RASGRF1: variants seen among roughly 807,000 people sequenced by gnomAD.
The protein encoded by RASGRF1 is Ras protein specific guanine nucleotide releasing factor 1.
Under a neutral mutation model 138.7 loss-of-function variants are expected in RASGRF1, and 40 were observed. That is an observed-to-expected ratio of 0.29 (90% CI 0.22 to 0.38). The LOEUF is 0.38. Ranked by LOEUF, RASGRF1 falls within the 10% of genes least tolerant of loss-of-function variation. The pLI is 1.00. For missense variants in RASGRF1, 1,108 were observed against 1,650.4 expected, an observed-to-expected ratio of 0.67 and a Z score of 5.69; for synonymous variants, 614 against 663.2, an observed-to-expected ratio of 0.93 and a Z score of 1.14.
intron 5 of RASGRF1, among the ~76,000 whole-genome samples, chr15:79,038,792 T>C (rs2057256465): frequency 6.6e-6 from 1 of 152,228 alleles, no homozygotes; most frequent in African/African-American, 2.4e-5. Context: ...TGGGGAATCA[T>C]ATCTTTCCCC....
At chr15:79,067,932 A>G (rs1595960239) in intron 1 of RASGRF1, among the ~76,000 whole-genome samples, 1 of 152,184 alleles carries the variant, frequency 6.6e-6, no homozygotes, top group Admixed American at 6.5e-5. Context: ...AGATGCTACA[A>G]AAAAGGGAGC....
intron 1 of RASGRF1, among the ~76,000 whole-genome samples, chr15:79,089,373 C>T (rs1016398028): frequency 6.6e-6 from 1 of 152,360 alleles, no homozygotes; most frequent in East Asian, 1.9e-4. Context: ...GCCCCTCCTC[C>T]CTTCACGCCA....
intron 20 of RASGRF1, among the ~76,000 whole-genome samples, chr15:78,995,238 C>T (rs1378335925): frequency 6.6e-6 from 1 of 151,260 alleles, no homozygotes; most frequent in Admixed American, 6.6e-5. Context: ...CTCCCTCTCA[C>T]ATCTTAATTT....
At chr15:79,077,878 T>C (rs1170310341) in intron 1 of RASGRF1, among the ~76,000 whole-genome samples, 2 of 138,352 alleles carry the variant, frequency 1.4e-5, no homozygotes, top group African/African-American at 5.4e-5. Flanking sequence ...TGCCTGGGCC[T>C]CTGCTCATTG....
intron 26 of RASGRF1, among the ~76,000 whole-genome samples, chr15:78,967,766 C>A (rs934190798): frequency 6.6e-6 from 1 of 152,084 alleles, no homozygotes; most frequent in African/African-American, 2.4e-5. Flanking sequence ...ACTATGCATA[C>A]AACATATACG....
intron 13 of RASGRF1, among the ~76,000 whole-genome samples, chr15:79,015,115 A>G (rs1372598434): frequency 6.6e-6 from 1 of 152,134 alleles, no homozygotes; most frequent in East Asian, 1.9e-4. Context: ...AAATTTAAAA[A>G]AAAAACCCAA....
At position 78,973,377 on chromosome 15, in the gene RASGRF1, C is replaced by G; in HGVS notation, c.3538G>C (p.Asp1180His). The change falls in exon 25 of 27, where the codon GAC becomes CAC. Residue 1180 changes from aspartate to histidine, a missense_variant. Around this residue, in one of 3 missense-constraint regions of RASGRF1, gnomAD observed 686 missense variants for 976.7 expected, o/e 0.70. Transcript: ENST00000558480. The surrounding 1 kb of genome is among the most constrained non-coding windows in gnomAD (Gnocchi z 4.9). ...CVPYLGMYLT[D>H]LAFIEEGTPN... ...GTCCCCTCCTCGATGAAGGCCAGGT[C>G]GGTGAGGTACATCCCCAGGTAAGGG... 6.2e-7 allele frequency: 1 copy of G among 1,613,856 alleles called. No individual in the cohort carries two copies.
intron 6 of RASGRF1, among the ~76,000 whole-genome samples, chr15:79,034,896 G>GT (rs1216112842): frequency 1.3e-5 from 2 of 152,208 alleles, no homozygotes; most frequent in Non-Finnish European, 2.9e-5. Context: ...AAATGGATGT[G>GT]TATACATTCT....
intron 5 of RASGRF1, among the ~76,000 whole-genome samples, chr15:79,042,127 C>G (rs933723986): frequency 6.6e-6 from 1 of 152,178 alleles, no homozygotes; most frequent in African/African-American, 2.4e-5. Context: ...GATCTTTTCC[C>G]CCCTATTTGA....
chr15:78,965,799 C>T (rs536177815), intron 26 of RASGRF1, among the ~76,000 whole-genome samples: 9 of 152,256 alleles, frequency 5.9e-5, no homozygotes, highest in South Asian at 2.1e-4. Flanking sequence ...TGCAGTGAGC[C>T]GAGATCGCGC....
At chr15:79,005,711 A>T (rs947479379) in intron 14 of RASGRF1, 1 of 899,496 alleles carries the variant, frequency 1.1e-6, no homozygotes, top group African/African-American at 1.8e-5. Flanking sequence ...CAGGGGTAAG[A>T]GTCCTTTCTC....
intron 22 of RASGRF1, among the ~76,000 whole-genome samples, chr15:78,987,896 A>G (rs975981242): frequency 2.0e-5 from 3 of 152,170 alleles, no homozygotes; most frequent in Non-Finnish European, 4.4e-5. Context: ...GCCTTACACC[A>G]GTACCCCAGC....
chr15:79,019,682 G>A (rs910565905), intron 11 of RASGRF1, among the ~76,000 whole-genome samples: 2 of 152,244 alleles, frequency 1.3e-5, no homozygotes, highest in Admixed American at 6.5e-5. Flanking sequence ...TGAATGAGGG[G>A]TGCTCACTGA....
intron 5 of RASGRF1, among the ~76,000 whole-genome samples, chr15:79,044,287 G>T (rs1490995534): frequency 2.6e-5 from 4 of 152,156 alleles, no homozygotes; most frequent in African/African-American, 9.7e-5. Flanking sequence ...TCTCTATCTG[G>T]AAAGTTCTTT....
intron 1 of RASGRF1, among the ~76,000 whole-genome samples, chr15:79,075,330 G>T (rs2057818286): frequency 6.6e-6 from 1 of 152,184 alleles, no homozygotes; most frequent in Admixed American, 6.5e-5. Context: ...AAATGTTCTG[G>T]AACCACACCT....
chr15:79,054,499 G>A (rs1381295705), intron 3 of RASGRF1, among the ~76,000 whole-genome samples: 3 of 152,186 alleles, frequency 2.0e-5, no homozygotes, highest in Admixed American at 6.5e-5. Context: ...TGGTGGGATT[G>A]TATTTCCCAG....
chr15:78,968,883 C>T (rs949429348), intron 26 of RASGRF1, among the ~76,000 whole-genome samples: 1 of 152,184 alleles, frequency 6.6e-6, no homozygotes, highest in African/African-American at 2.4e-5. Context: ...TTCTCCACCC[C>T]TGATACCCGA....
At chr15:79,059,090 T>G (rs1290579012) in intron 2 of RASGRF1, among the ~76,000 whole-genome samples, 1 of 152,074 alleles carries the variant, frequency 6.6e-6, no homozygotes, top group Non-Finnish European at 1.5e-5. Flanking sequence ...CTGTCCCTCT[T>G]CCAACCCTCC....
intron 5 of RASGRF1, among the ~76,000 whole-genome samples, chr15:79,039,025 T>G (rs1191771214): frequency 6.6e-6 from 1 of 152,116 alleles, no homozygotes; most frequent in African/African-American, 2.4e-5. Context: ...TTTTTCATAG[T>G]TACCAAATTC....
Sources: allele counts gnomAD v4.1 joint callset (sites outside exome capture counted in the v4.1 genomes callset), GRCh38; gene constraint gnomAD v4.1.1; regional missense constraint gnomAD v4.1.1; non-coding constraint Gnocchi (gnomAD v3.1); transcripts MANE v1.5; gene names NCBI Gene and HGNC (gene_info 2026-07-23, HGNC 2026-07-21).